The following PACC1 variants were observed in gnomAD, a reference collection of about 807,000 sequenced individuals.
PACC1 encodes the protein proton-activated chloride channel.
A neutral mutation model predicts 39.7 loss-of-function variants in PACC1; 34 were observed. That is an observed-to-expected ratio of 0.86 (90% CI 0.65 to 1.14). The LOEUF (loss-of-function observed/expected upper bound fraction) is 1.14. PACC1 is among the 50% of genes most tolerant of loss of function. The pLI, the probability that PACC1 is intolerant of heterozygous loss-of-function variation, is 0.00. For synonymous variants in PACC1, 127 were observed against 160.6 expected (o/e 0.79, Z 1.58); for missense variants, 379 against 436.4 (o/e 0.87, Z 1.17).
chr1:212,366,797 T>G (rs1660261513), intron 7 of PACC1, among the ~76,000 whole-genome samples: 1 of 152,178 alleles, frequency 6.6e-6, no homozygotes, highest in Admixed American at 6.5e-5. Context: ...CTTGATTCAA[T>G]AAGCCTCTGC....
At chr1:212,388,500 C>T (rs2102502882) in intron 2 of PACC1, among the ~76,000 whole-genome samples, 1 of 152,218 alleles carries the variant, frequency 6.6e-6, no homozygotes, top group South Asian at 2.1e-4. Flanking sequence ...GAGACAGGGA[C>T]TTCAAGGATA....
intron 4 of PACC1, among the ~76,000 whole-genome samples, chr1:212,382,207 TTTTTTA>T (rs1385534767): frequency 1.3e-5 from 2 of 152,070 alleles, no homozygotes; most frequent in African/African-American, 2.4e-5. Context: ...CACGCCTGAT[TTTTTTA>T]TTTTTATTTT....
At chr1:212,400,054 C>A (rs1661661565) in intron 2 of PACC1, among the ~76,000 whole-genome samples, 1 of 152,008 alleles carries the variant, frequency 6.6e-6, no homozygotes, top group African/African-American at 2.4e-5. Context: ...CCATGTTAGC[C>A]AGGCTGGTCT....
intron 7 of PACC1, among the ~76,000 whole-genome samples, chr1:212,371,643 A>G (rs1260525785): frequency 3.9e-5 from 6 of 152,188 alleles, no homozygotes; most frequent in African/African-American, 1.4e-4. Flanking sequence ...AAACTATTCC[A>G]AAAAATTGAA....
chr1:212,414,195 AC>A, intron 1 of PACC1: 1 of 1,194,472 alleles, frequency 8.4e-7, no homozygotes, highest in Non-Finnish European at 1.1e-6. Context: ...CCATGAAGGC[AC>A]TTTTTCAAAG....
intron 7 of PACC1, among the ~76,000 whole-genome samples, chr1:212,369,107 G>A (rs577126000): frequency 2.6e-5 from 4 of 151,930 alleles, no homozygotes; most frequent in Admixed American, 1.3e-4. Context: ...GAGTTGAAGT[G>A]TAGTTTTAAA....
intron 2 of PACC1, among the ~76,000 whole-genome samples, chr1:212,395,808 T>A (rs146799598): frequency 0.014 from 2,190 of 151,704 alleles, 51 homozygotes; most frequent in African/African-American, 0.05. Context: ...AAAGAAGACA[T>A]TTATGCAGCC....
In PACC1 at chr1:212,382,490, T is replaced by TA. The variant is rs1295704362; in HGVS notation, c.496-2454dup. 9.2e-5 allele frequency among the ~76,000 whole-genome samples: 14 copies of TA among 152,032 alleles called. 1 individual carries two copies. The highest frequency in any genetic ancestry group is 1.9e-4 in the Non-Finnish European group (13 of 68,014). ...TATTGTGCCAGAGCAGAGCATTTGG[T>TA]AAAAAATAACTACCATTAAATTGAG... On this transcript the variant is annotated intron_variant, in intron 4 of 7. Transcript: ENST00000261455.
chr1:212,400,012 T>A (rs1331265070), intron 2 of PACC1, among the ~76,000 whole-genome samples: 1 of 152,096 alleles, frequency 6.6e-6, no homozygotes, highest in Non-Finnish European at 1.5e-5. Context: ...ACCTGGCTAA[T>A]TTTTTATATA....
intron 2 of PACC1, among the ~76,000 whole-genome samples, chr1:212,392,485 A>G (rs536976171): frequency 6.6e-6 from 1 of 152,350 alleles, no homozygotes; most frequent in South Asian, 2.1e-4. Context: ...CACTGCAAAA[A>G]CATGCTAAAT....
intron 4 of PACC1, 111 bp from the exon 5 acceptor site, chr1:212,380,148 T>C: frequency 8.6e-7 from 1 of 1,162,420 alleles, no homozygotes; most frequent in Non-Finnish European, 1.2e-6. Flanking sequence ...CCCAGTGGTC[T>C]CCAAAGGGAC....
intron 2 of PACC1, among the ~76,000 whole-genome samples, chr1:212,391,738 A>G (rs2102510401): frequency 6.6e-6 from 1 of 152,336 alleles, no homozygotes; most frequent in East Asian, 1.9e-4. Flanking sequence ...AATGCAGAGA[A>G]GTCCTTAAAG....
chr1:212,410,553 G>C lies in PACC1; in HGVS notation c.37-32C>G, dbSNP rs1442193522. The C allele has an allele frequency of 3.8e-6, 6 of 1,583,214 alleles. No homozygotes were observed. In the South Asian group the frequency reaches 4.4e-5, roughly 12 times the overall value. ...GGAGAAGCAAAGAGAGCAAAGACAA[G>C]TCAGCTATGTCAGCCTTGCTTTTCT... On this transcript the variant is annotated intron_variant, in intron 1 of 7. Transcript: ENST00000261455.
In PACC1 at chr1:212,381,694, T is replaced by TACACACACACACAC. The variant is rs747376806; in HGVS notation, c.496-1658_496-1657insGTGTGTGTGTGTGT. Among the ~76,000 whole-genome samples the TACACACACACACAC allele has an allele frequency of 3.3e-3, 261 of 78,640 alleles. 6 individuals carry two copies. The highest frequency in any genetic ancestry group is 0.013 in the East Asian group (48 of 3,718). The allele number at this position is 78,640 out of a possible 152,430, so 51.6% of individuals were successfully genotyped here. A position where few individuals can be genotyped will look rare whatever the true frequency, so the allele number is the denominator to read the frequency against. On this transcript the variant is annotated intron_variant, in intron 4 of 7. Coordinates refer to ENST00000261455, the MANE Select transcript of PACC1 (RefSeq NM_018252.3). The stretch of plus-strand genomic sequence containing the variant: ...TGTGCACAGACACACACACACACAC[T>TACACACACACACAC]GCACACACACACACACACACACACA...
At chr1:212,412,337 G>A (rs1018201835) in intron 1 of PACC1, among the ~76,000 whole-genome samples, 3 of 152,098 alleles carry the variant, frequency 2.0e-5, no homozygotes, top group Non-Finnish European at 2.9e-5. Flanking sequence ...CCTGACCCAG[G>A]TGCTAACACC....
chr1:212,382,953 C>T (rs977470051), intron 4 of PACC1, among the ~76,000 whole-genome samples: 1 of 152,240 alleles, frequency 6.6e-6, no homozygotes, highest in African/African-American at 2.4e-5. Flanking sequence ...TCCCACCCTG[C>T]AGGGTTCCAC....
chr1:212,413,731 C>T (rs193168497), intron 1 of PACC1, among the ~76,000 whole-genome samples: 7 of 152,184 alleles, frequency 4.6e-5, no homozygotes, highest in Non-Finnish European at 1.0e-4. Context: ...CTGTTCTGGG[C>T]AGACGAAGGG....
At chr1:212,383,535 T>C (rs1475183906) in intron 4 of PACC1, among the ~76,000 whole-genome samples, 1 of 152,254 alleles carries the variant, frequency 6.6e-6, no homozygotes, top group Non-Finnish European at 1.5e-5. Flanking sequence ...TAGCTTCTAC[T>C]TCCCTATTCT....
At chr1:212,390,042 GA>G (rs201012222) in intron 2 of PACC1, among the ~76,000 whole-genome samples, 6 of 146,738 alleles carry the variant, frequency 4.1e-5, no homozygotes, top group Non-Finnish European at 7.5e-5. Flanking sequence ...AATATTGAAG[GA>G]AAAAAAAAAC....
Sources: gnomAD v4.1 joint callset for allele counts (sites outside exome capture counted in the v4.1 genomes callset) on GRCh38, gnomAD v4.1.1 for gene constraint, MANE v1.5 for transcripts, NCBI Gene and HGNC (gene_info 2026-07-23, HGNC 2026-07-21) for gene names.